ZC3HAV1: variants seen among roughly 807,000 people sequenced by gnomAD.
The protein encoded by ZC3HAV1 is zinc finger CCCH-type antiviral protein 1.
ZC3HAV1 carries 41 observed loss-of-function variants against 86.6 expected under a neutral mutation model. That is an observed-to-expected ratio of 0.47 (90% CI 0.37 to 0.61). ZC3HAV1 has a LOEUF of 0.61. Among genes scored for constraint, ZC3HAV1 ranks in the 20% least tolerant of loss-of-function variants. The pLI is 0.00. For missense variants in ZC3HAV1, 964 were observed against 1,141.1 expected (o/e 0.84, Z 2.24); for synonymous variants, 421 against 432.1 (o/e 0.97, Z 0.32).
rs541234508 is a variant in ZC3HAV1, at chr7:139,105,727, A to G, written c.308+3297T>C. Among the ~76,000 whole-genome samples the G allele has an allele frequency of 1.3e-3, 198 of 152,354 alleles. 8 individuals carry two copies. In the South Asian group the frequency reaches 0.038, roughly 29 times the overall value. On this transcript the variant is annotated intron_variant, in intron 1 of 12. Transcript: ENST00000242351. ...CTGTAAACAGAGACCAGTTTAGTGAACTGAATAGTAATGTCAAGATGGGTA... is the reference window on the plus strand; with the variant it reads ...CTGTAAACAGAGACCAGTTTAGTGAGCTGAATAGTAATGTCAAGATGGGTA...
At chr7:139,093,858 G>A (rs7801123) in intron 1 of ZC3HAV1, among the ~76,000 whole-genome samples, 27,155 of 152,120 alleles carry the variant, frequency 0.18, 2,735 homozygotes, top group East Asian at 0.42. Context: ...CATGGGCCAC[G>A]ATCAGAGCTT....
At chr7:139,076,724 T>A (rs1297147182) in intron 5 of ZC3HAV1, among the ~76,000 whole-genome samples, 1 of 151,926 alleles carries the variant, frequency 6.6e-6, no homozygotes, top group Non-Finnish European at 1.5e-5. Context: ...AAATCCTGTC[T>A]CTACTAAAAA....
At chr7:139,077,234 T>C (rs1206427070) in intron 5 of ZC3HAV1, among the ~76,000 whole-genome samples, 1 of 152,190 alleles carries the variant, frequency 6.6e-6, no homozygotes, top group Non-Finnish European at 1.5e-5. Flanking sequence ...TTGCAAATTT[T>C]TTGTTTGTTT....
chr7:139,079,787 C>A lies in ZC3HAV1; in HGVS notation c.1154G>T (p.Arg385Leu), dbSNP rs115288744. Residue 385 changes from arginine to leucine, a missense_variant, in exon 4 of 13, where the codon CGC becomes CTC. Transcript: ENST00000242351. ...TGTTTGCAGAGAGCCAAGAGAAGAG[C>A]GGGCGGCAGGTAGCGTGGGAGAAAA... ...TVFSPTLPAARSSLGSLQTPE... is the reference protein window; with the variant it reads ...TVFSPTLPAALSSLGSLQTPE... The A allele has an allele frequency of 6.2e-7, 1 of 1,614,114 alleles. No homozygotes were observed. The highest frequency in any genetic ancestry group is 1.3e-5 in the African/African-American group (1 of 75,028).
At chr7:139,107,351 A>G (rs1817965975) in intron 1 of ZC3HAV1, among the ~76,000 whole-genome samples, 1 of 152,250 alleles carries the variant, frequency 6.6e-6, no homozygotes, top group Admixed American at 6.5e-5. Flanking sequence ...CTTTTTAAAA[A>G]CGTTAGAGTG....
chr7:139,047,835 TC>T lies in ZC3HAV1; in HGVS notation c.2467del (p.Asp823MetfsTer20). Reference sequence around the variant, plus strand: ...GCAATTTTTGTGGGAATAGATGGCATCTTTTGCAAAGTAAATTCCTAGAAAG... The same window carrying T: ...GCAATTTTTGTGGGAATAGATGGCATTTTTGCAAAGTAAATTCCTAGAAAG... ...KYGKGIYFAK[D>X]AIYSHKNCPY... is the part of the protein sequence containing the mutation. On this transcript the variant is annotated frameshift_variant, in exon 13 of 13. Transcript: ENST00000242351. LOFTEE classifies it low-confidence loss of function (END_TRUNC). 3.7e-6 allele frequency: 6 copies of T among 1,611,592 alleles called. No individual in the cohort carries two copies. Among genetic ancestry groups the T allele is most frequent in the Non-Finnish European group, 5.1e-6 (6 of 1,179,522 alleles).
intron 1 of ZC3HAV1, among the ~76,000 whole-genome samples, chr7:139,094,780 T>G (rs770045546): frequency 6.6e-6 from 1 of 152,154 alleles, no homozygotes; most frequent in Non-Finnish European, 1.5e-5. Context: ...GAGACTGGCT[T>G]CATCTTACTG....
In ZC3HAV1 at chr7:139,084,023, T is replaced by A; in HGVS notation, c.454A>T (p.Ser152Cys). 1 of 1,613,612 alleles carries A rather than the reference T, an allele frequency of 6.2e-7. No homozygotes were observed. The highest frequency in any genetic ancestry group is 1.1e-5 in the South Asian group (1 of 91,064). Residue 152 changes from serine (S) to cysteine (C), a missense_variant, in exon 3 of 13, where the codon AGT becomes TGT. By Grantham distance (112) the Ser-to-Cys change is moderately radical (BLOSUM62 -1). Transcript: ENST00000242351. ...TGCTGCCGACCCTCTCCCTTATAAC[T>A]TTTGCATATCTACAGAAGGGAGAAA... ...DPFFMPEICK[S>C]YKGEGRQQIC... is the part of the protein sequence containing the mutation.
chr7:139,089,602 A>T, intron 2 of ZC3HAV1, 22 bp downstream of exon 2: 1 of 1,593,676 alleles, frequency 6.3e-7, no homozygotes, highest in Non-Finnish European at 8.5e-7. Context: ...CTCCCTCCTT[A>T]AACTGAGGAA....
chr7:139,065,049 T>C (rs772801773), intron 7 of ZC3HAV1, 50 bp from the exon 8 acceptor site: 1 of 1,609,746 alleles, frequency 6.2e-7, no homozygotes, highest in East Asian at 2.2e-5. Flanking sequence ...TTTTAGGAAA[T>C]CTCTACTGTT....
At chr7:139,103,518 G>C (rs1200084287) in intron 1 of ZC3HAV1, among the ~76,000 whole-genome samples, 1 of 152,104 alleles carries the variant, frequency 6.6e-6, no homozygotes, top group Non-Finnish European at 1.5e-5. Flanking sequence ...AGGAAACTGG[G>C]ACACTCAGAC....
At chr7:139,099,807 A>G (rs1817698284) in intron 1 of ZC3HAV1, among the ~76,000 whole-genome samples, 1 of 152,100 alleles carries the variant, frequency 6.6e-6, no homozygotes, top group Admixed American at 6.6e-5. Context: ...CGTGCCTGTA[A>G]TCCCAGCTAC....
intron 12 of ZC3HAV1, among the ~76,000 whole-genome samples, chr7:139,052,014 T>C (rs1310831191): frequency 6.6e-6 from 1 of 152,214 alleles, no homozygotes; most frequent in Non-Finnish European, 1.5e-5. Flanking sequence ...ATGAAGTTAA[T>C]TCCCTCAAAC....
At chr7:139,050,237 G>A (rs889722435) in intron 12 of ZC3HAV1, among the ~76,000 whole-genome samples, 4 of 151,956 alleles carry the variant, frequency 2.6e-5, no homozygotes, top group African/African-American at 9.7e-5. Flanking sequence ...TATCTCATTT[G>A]TCCATTTTTG....
intron 8 of ZC3HAV1, among the ~76,000 whole-genome samples, chr7:139,063,723 CAAAAAA>C (rs57944873): frequency 1.4e-5 from 1 of 73,954 alleles, no homozygotes; most frequent in African/African-American, 4.8e-5. Flanking sequence ...GACCCTGTCT[CAAAAAA>C]AAAAAAAAAA....
chr7:139,093,875 G>T (rs7801137), intron 1 of ZC3HAV1, among the ~76,000 whole-genome samples: 32,877 of 152,040 alleles, frequency 0.22, 3,981 homozygotes, highest in East Asian at 0.42. Context: ...GCTTGAAGGG[G>T]GTCATGTGTA....
chr7:139,080,136 C>T lies in ZC3HAV1; in HGVS notation c.805G>A (p.Glu269Lys). The T allele has an allele frequency of 6.2e-7, 1 of 1,614,204 alleles. No homozygotes were observed. Among genetic ancestry groups the T allele is most frequent in the Non-Finnish European group, 8.5e-7 (1 of 1,180,040 alleles). ...EFLASASASA[E>K]RSCTPSPDQI... ...TCTGGACTAGGTGTGCAGGACCTCT[C>T]AGCAGACGCTGAAGCAGACGCAAGA... The change falls in exon 4 of 13, where the codon GAG becomes AAG. Residue 269 changes from glutamate (E) to lysine (K), a missense_variant. Physicochemically the swap from Glu to Lys is moderately conservative, Grantham distance 56. Transcript: ENST00000242351.
chr7:139,094,772 G>A (rs550886560), intron 1 of ZC3HAV1, among the ~76,000 whole-genome samples: 1 of 152,270 alleles, frequency 6.6e-6, no homozygotes, highest in East Asian at 1.9e-4. Flanking sequence ...ACACCCTGGA[G>A]ACTGGCTTCA....
At chr7:139,063,983 T>A (rs75997198) in intron 8 of ZC3HAV1, among the ~76,000 whole-genome samples, 2 of 152,244 alleles carry the variant, frequency 1.3e-5, no homozygotes, top group East Asian at 3.9e-4. Flanking sequence ...TGCCTATAGC[T>A]TTTCTCCCCC....
Sources: gnomAD v4.1 joint callset for allele counts (sites outside exome capture counted in the v4.1 genomes callset) on GRCh38, gnomAD v4.1.1 for gene constraint, MANE v1.5 for transcripts, NCBI Gene and HGNC (gene_info 2026-07-23, HGNC 2026-07-21) for gene names.